Variants in CFDP1 observed in about 807,000 individuals in gnomAD.
CFDP1 encodes heterochromatin-stabilizing protein CFDP1.
In CFDP1, 31 loss-of-function variants were observed where a neutral mutation model predicts 40.1. The ratio of observed to expected loss-of-function variants is 0.77; its 90% confidence interval spans 0.58 to 1.04. The LOEUF is 1.04. Among genes scored for constraint, CFDP1 ranks in the 50% least tolerant of loss-of-function variants. The pLI, the probability that CFDP1 is intolerant of heterozygous loss-of-function variation, is 0.00. For missense variants in CFDP1, 423 were observed against 343.4 expected, an observed-to-expected ratio of 1.23 and a Z score of -1.83; for synonymous variants, 167 against 120.0, an observed-to-expected ratio of 1.39 and a Z score of -2.56.
At position 75,369,487 on chromosome 16, in the gene CFDP1, A is replaced by G. The variant is rs2078737522; in HGVS notation, c.650+25603T>C. Among the ~76,000 whole-genome samples the G allele has an allele frequency of 1.3e-5, 2 of 152,186 alleles. 1 individual carries two copies. Among genetic ancestry groups the G allele is most frequent in the Admixed American group, 1.3e-4 (2 of 15,282 alleles). ...GATGCAGGCTTCTGCTTTAACTATTATATACATTTAGACACATGGCTTCGC... is the reference window on the plus strand; with the variant it reads ...GATGCAGGCTTCTGCTTTAACTATTGTATACATTTAGACACATGGCTTCGC... On this transcript the variant is annotated intron_variant, in intron 5 of 6. Transcript: ENST00000283882.
chr16:75,396,923 T>G (rs2078998822), intron 4 of CFDP1, among the ~76,000 whole-genome samples: 1 of 152,062 alleles, frequency 6.6e-6, no homozygotes, highest in South Asian at 2.1e-4. Flanking sequence ...TGTTTGTTTG[T>G]TTTCATTTGA....
intron 5 of CFDP1, among the ~76,000 whole-genome samples, chr16:75,320,323 A>G (rs2078353688): frequency 6.6e-6 from 1 of 152,188 alleles, no homozygotes; most frequent in Non-Finnish European, 1.5e-5. Context: ...ACGTGTAACT[A>G]TGACTGAAGG....
At chr16:75,325,380 C>A (rs1274411988) in intron 5 of CFDP1, among the ~76,000 whole-genome samples, 2 of 152,234 alleles carry the variant, frequency 1.3e-5, no homozygotes, top group Admixed American at 1.3e-4. Flanking sequence ...CCTTGACTAA[C>A]TTCCTGACCT....
In CFDP1 at chr16:75,415,225, T is replaced by C. The variant is rs563077811; in HGVS notation, c.65-530A>G. ...AAAGAACAAACACACCCATGTCCCA[T>C]TGTCAGACACTGACATTCAAGGGTC... On this transcript the variant is annotated intron_variant, in intron 1 of 6. Coordinates refer to ENST00000283882, the MANE Select transcript of CFDP1 (RefSeq NM_006324.3). Among the ~76,000 whole-genome samples, 40 of 152,328 alleles carry C rather than the reference T, an allele frequency of 2.6e-4. 1 individual carries two copies. Among genetic ancestry groups the C allele is most frequent in the Admixed American group, 1.5e-3 (23 of 15,294 alleles).
rs532808224 is a variant in CFDP1, at chr16:75,395,611, A to G, written c.531-402T>C. Among the ~76,000 whole-genome samples, 6 of 152,302 alleles carry G rather than the reference A, an allele frequency of 3.9e-5. No individual in the cohort carries two copies. In the East Asian group the frequency reaches 1.2e-3, roughly 29 times the overall value. On this transcript the variant is annotated intron_variant, in intron 4 of 6. Coordinates refer to ENST00000283882, the MANE Select transcript of CFDP1 (RefSeq NM_006324.3). ...GAGGCAGAGGTTGCAGTGAGCCGAG[A>G]TCACGCCATTGCACTCCAGCCTGGG... is the stretch of plus-strand genomic sequence containing the variant.
chr16:75,407,010 C>T (rs1031538605), intron 4 of CFDP1, among the ~76,000 whole-genome samples: 9 of 152,078 alleles, frequency 5.9e-5, no homozygotes, highest in African/African-American at 2.2e-4. Flanking sequence ...GACAGAGACT[C>T]CATCTCAAAT....
intron 4 of CFDP1, among the ~76,000 whole-genome samples, chr16:75,397,201 A>G (rs899179669): frequency 2.0e-5 from 3 of 150,012 alleles, no homozygotes; most frequent in African/African-American, 7.3e-5. Context: ...GGCGTGAGCC[A>G]CTGCGCCCAG....
intron 4 of CFDP1, among the ~76,000 whole-genome samples, chr16:75,404,024 C>T (rs1448163955): frequency 2.0e-5 from 3 of 151,370 alleles, no homozygotes; most frequent in African/African-American, 4.9e-5. Context: ...CCCAGCTACT[C>T]GGGAGGCTAA....
chr16:75,305,605 C>G (rs1406281155), intron 5 of CFDP1, among the ~76,000 whole-genome samples: 2 of 152,184 alleles, frequency 1.3e-5, no homozygotes, highest in Non-Finnish European at 2.9e-5. Context: ...CAAATGCTTA[C>G]TCACAGGCTG....
chr16:75,395,069 G>A (rs1183117346), intron 5 of CFDP1, 21 bp downstream of exon 5: 1 of 1,613,136 alleles, frequency 6.2e-7, no homozygotes, highest in Non-Finnish European at 8.5e-7. Flanking sequence ...GTACATCAGG[G>A]AGTGAGACTC....
intron 4 of CFDP1, among the ~76,000 whole-genome samples, chr16:75,410,320 T>C (rs1383855918): frequency 6.6e-6 from 1 of 152,110 alleles, no homozygotes; most frequent in East Asian, 1.9e-4. Context: ...ATCTGCTATT[T>C]TCACATAATA....
chr16:75,328,371 G>C (rs1354831827), intron 5 of CFDP1, among the ~76,000 whole-genome samples: 3 of 150,036 alleles, frequency 2.0e-5, no homozygotes, highest in African/African-American at 7.3e-5. Flanking sequence ...GATCACCTGA[G>C]GTCAGGAGTT....
chr16:75,296,151 G>A (rs932635188), intron 6 of CFDP1, among the ~76,000 whole-genome samples: 1 of 152,234 alleles, frequency 6.6e-6, no homozygotes, highest in African/African-American at 2.4e-5. Context: ...TTTAGGGTGT[G>A]TTTCAAGAGC....
chr16:75,376,487 A>G (rs1382937129), intron 5 of CFDP1, among the ~76,000 whole-genome samples: 3 of 152,228 alleles, frequency 2.0e-5, no homozygotes, highest in Admixed American at 2.0e-4. Context: ...TCCAGGCACA[A>G]AAATTTAAAA....
rs561499182 is a variant in CFDP1, at chr16:75,305,099, T to C, written c.734A>G (p.Lys245Arg). 5.0e-6 allele frequency: 8 copies of C among 1,614,028 alleles called. No homozygotes were observed. Among genetic ancestry groups the C allele is most frequent in the East Asian group, 2.2e-5 (1 of 44,904 alleles). Residue 245 changes from lysine (K) to arginine (R), a missense_variant, in exon 6 of 7, where the codon AAA becomes AGA. Transcript: ENST00000283882. Reference sequence around the variant, plus strand: ...CTCCTTGAAGCTCTCCCAGTCCAGTTTGGACTTCTCAAGGGTGCTCATTTT... The same window carrying C: ...CTCCTTGAAGCTCTCCCAGTCCAGTCTGGACTTCTCAAGGGTGCTCATTTT... ...KQKMSTLEKS[K>R]LDWESFKEEE...
At chr16:75,308,728 C>A (rs1235164239) in intron 5 of CFDP1, among the ~76,000 whole-genome samples, 1 of 152,226 alleles carries the variant, frequency 6.6e-6, no homozygotes, top group Non-Finnish European at 1.5e-5. Context: ...TTAATTTGGG[C>A]AGCACCACAA....
intron 1 of CFDP1, among the ~76,000 whole-genome samples, chr16:75,429,250 T>C (rs547294270): frequency 6.6e-6 from 1 of 152,324 alleles, no homozygotes; most frequent in South Asian, 2.1e-4. Context: ...TAGAAAGTAA[T>C]GAAGTAACAC....
At chr16:75,382,474 C>T (rs1201218798) in intron 5 of CFDP1, among the ~76,000 whole-genome samples, 2 of 152,192 alleles carry the variant, frequency 1.3e-5, no homozygotes, top group Non-Finnish European at 2.9e-5. Flanking sequence ...TACTGTGAAA[C>T]ACACAGCTGA....
At chr16:75,368,348 C>T (rs951518484) in intron 5 of CFDP1, among the ~76,000 whole-genome samples, 1 of 152,050 alleles carries the variant, frequency 6.6e-6, no homozygotes, top group South Asian at 2.1e-4. Flanking sequence ...TAAAGTTTTG[C>T]TTCAAAATAT....
Sources: allele counts gnomAD v4.1 joint callset (sites outside exome capture counted in the v4.1 genomes callset), GRCh38; gene constraint gnomAD v4.1.1; transcripts MANE v1.5; gene names NCBI Gene and HGNC (gene_info 2026-07-23, HGNC 2026-07-21).